The following CNBD2 variants were observed in gnomAD, a reference collection of about 807,000 sequenced individuals.
CNBD2 encodes the protein cyclic nucleotide-binding domain-containing protein 2.
A neutral mutation model predicts 63.7 loss-of-function variants in CNBD2; 64 were observed. The observed-to-expected ratio is 1.00, with a 90% confidence interval of 0.82 to 1.24. The LOEUF is 1.24. Ranked by LOEUF, CNBD2 falls within the 50% of genes most tolerant of loss-of-function variation. CNBD2 has a pLI of 0.00. For synonymous variants in CNBD2, 229 were observed against 255.4 expected, an observed-to-expected ratio of 0.90 and a Z score of 0.99; for missense variants, 691 against 713.5, an observed-to-expected ratio of 0.97 and a Z score of 0.36.
At chr20:35,976,182 C>G (rs2056516140) in intron 3 of CNBD2, among the ~76,000 whole-genome samples, 180 bp downstream of exon 3, 1 of 152,196 alleles carries the variant, frequency 6.6e-6, no homozygotes, top group Non-Finnish European at 1.5e-5. Context: ...TCAGTGATTC[C>G]TTCCAGCCCT....
intron 10 of CNBD2, among the ~76,000 whole-genome samples, chr20:36,013,432 G>GA (rs771916675): frequency 6.6e-6 from 1 of 151,798 alleles, no homozygotes; most frequent in Non-Finnish European, 1.5e-5. Context: ...AAAGAAAAAA[G>GA]AAAAAAATCA....
chr20:36,014,678 G>T (rs191743952), intron 10 of CNBD2, among the ~76,000 whole-genome samples: 106 of 152,028 alleles, frequency 7.0e-4, no homozygotes, highest in African/African-American at 2.5e-3. Context: ...CACTCAGGCT[G>T]GAGTGCAGTG....
intron 8 of CNBD2, among the ~76,000 whole-genome samples, chr20:36,004,663 C>T (rs905267120): frequency 2.0e-5 from 3 of 151,850 alleles, no homozygotes; most frequent in Non-Finnish European, 4.4e-5. Context: ...ACCTCCTGGG[C>T]TCAAGCAGTC....
intron 8 of CNBD2, among the ~76,000 whole-genome samples, chr20:36,005,056 G>T (rs1186773387): frequency 6.6e-6 from 1 of 152,034 alleles, no homozygotes; most frequent in African/African-American, 2.4e-5. Flanking sequence ...CAGATATTTT[G>T]AATTCTTTTT....
intron 8 of CNBD2, among the ~76,000 whole-genome samples, chr20:35,996,116 T>C (rs1333238242): frequency 6.6e-6 from 1 of 152,234 alleles, no homozygotes; most frequent in Non-Finnish European, 1.5e-5. Flanking sequence ...GCCATTCTAG[T>C]ACCCTTCAAG....
At chr20:36,005,238 G>C (rs1371853848) in intron 8 of CNBD2, among the ~76,000 whole-genome samples, 1 of 152,120 alleles carries the variant, frequency 6.6e-6, no homozygotes, top group East Asian at 1.9e-4. Flanking sequence ...CACAGATGGG[G>C]GCAGGTGGTA....
intron 8 of CNBD2, among the ~76,000 whole-genome samples, chr20:36,003,961 C>T (rs2056949969): frequency 6.6e-6 from 1 of 152,104 alleles, no homozygotes; most frequent in Non-Finnish European, 1.5e-5. Context: ...GACCTGCTTC[C>T]AGGCTAACTC....
chr20:35,963,231 C>T (rs1241404263), intron 2 of CNBD2, among the ~76,000 whole-genome samples: 1 of 151,426 alleles, frequency 6.6e-6, no homozygotes, highest in East Asian at 1.9e-4. Flanking sequence ...GTCCCAACTA[C>T]TTGGAGGCTG....
intron 9 of CNBD2, 38 bp downstream of exon 9, chr20:36,008,512 G>A: frequency 1.3e-6 from 2 of 1,571,888 alleles, no homozygotes; most frequent in Non-Finnish European, 1.7e-6. Context: ...GGTCCAGATT[G>A]TGGTTGCAAA....
chr20:35,956,194 CT>C (rs1380385774), downstream of CNBD2, among the ~76,000 whole-genome samples: 1 of 152,214 alleles, frequency 6.6e-6, no homozygotes, highest in Non-Finnish European at 1.5e-5. Context: ...AAACTTACCC[CT>C]ACCATAGGAT....
At chr20:36,000,110 T>C (rs2056875924) in intron 8 of CNBD2, among the ~76,000 whole-genome samples, 1 of 152,246 alleles carries the variant, frequency 6.6e-6, no homozygotes, top group African/African-American at 2.4e-5. Flanking sequence ...ACCACTTCCT[T>C]CTGCCTGAAG....
intron 2 of CNBD2, 134 bp from the exon 3 acceptor site, chr20:35,975,815 G>C: frequency 1.4e-6 from 1 of 701,744 alleles, no homozygotes; most frequent in Non-Finnish European, 2.4e-6. Flanking sequence ...AGGCCTGAAA[G>C]GGCCGGCTGC....
Position 36,023,720 on chromosome 20 carries a change from A to C in CNBD2, c.1388A>C (p.Asn463Thr). ...GAAATATTTTATGAACTGATTGACA[A>C]TGATGACGAGATGATAAAAAAGTTG... is the stretch of plus-strand genomic sequence containing the variant. ...RKEIFYELID[N>T]DDEMIKKLLK... Residue 463 changes from asparagine to threonine, a missense_variant, in exon 11 of 12, where the codon AAT (asparagine) becomes ACT (threonine). By Grantham distance (65) the Asn-to-Thr change is moderately conservative. Transcript: ENST00000373973. 1 of 1,613,824 alleles carries C rather than the reference A, an allele frequency of 6.2e-7. No individual in the cohort carries two copies. The highest frequency in any genetic ancestry group is 8.5e-7 in the Non-Finnish European group (1 of 1,179,884).
At chr20:35,972,889 A>G (rs1055118198) in intron 2 of CNBD2, 123 bp downstream of exon 2, 1 of 889,906 alleles carries the variant, frequency 1.1e-6, no homozygotes, top group South Asian at 1.7e-5. Flanking sequence ...GAGAGACCCA[A>G]TGGTCACTTT....
At chr20:36,018,351 C>T (rs1472903166) in intron 10 of CNBD2, among the ~76,000 whole-genome samples, 1 of 152,192 alleles carries the variant, frequency 6.6e-6, no homozygotes, top group Non-Finnish European at 1.5e-5. Flanking sequence ...TCCTAGAAGT[C>T]CTGGAAGGCT....
At chr20:36,028,668 A>G (rs2590958) in intron 11 of CNBD2, among the ~76,000 whole-genome samples, 51,108 of 149,804 alleles carry the variant, frequency 0.34, 12,916 homozygotes, top group African/African-American at 0.72. Context: ...AGGAGGGCTT[A>G]AGGGCGTCAC....
intron 11 of CNBD2, among the ~76,000 whole-genome samples, chr20:36,027,480 G>A (rs1305110609): frequency 6.6e-6 from 1 of 152,094 alleles, no homozygotes; most frequent in African/African-American, 2.4e-5. Flanking sequence ...TCCACAGGAG[G>A]GTTACAGGAT....
At chr20:35,971,530 C>T (rs2056418341) in intron 1 of CNBD2, among the ~76,000 whole-genome samples, 1 of 152,148 alleles carries the variant, frequency 6.6e-6, no homozygotes, top group South Asian at 2.1e-4. Context: ...ATTCTCCTGC[C>T]TCAGCCTCCC....
intron 8 of CNBD2, among the ~76,000 whole-genome samples, chr20:36,006,748 A>G (rs2056990405): frequency 6.6e-6 from 1 of 152,160 alleles, no homozygotes; most frequent in Non-Finnish European, 1.5e-5. Context: ...TACCTCTACA[A>G]TCAAGTTATA....
Sources: allele counts gnomAD v4.1 joint callset (sites outside exome capture counted in the v4.1 genomes callset), GRCh38; gene constraint gnomAD v4.1.1; transcripts MANE v1.5; gene names NCBI Gene and HGNC (gene_info 2026-07-23, HGNC 2026-07-21).